Variants in UBE2E2 observed in about 807,000 individuals in gnomAD.
UBE2E2 encodes the protein ubiquitin conjugating enzyme E2 E2.
UBE2E2 carries 6 observed loss-of-function variants against 24.7 expected under a neutral mutation model. The observed-to-expected ratio is 0.24, with a 90% CI of 0.13 to 0.48. The LOEUF (loss-of-function observed/expected upper bound fraction) is 0.48, where lower values mean the gene tolerates loss of function less well. Among genes scored for constraint, UBE2E2 ranks in the 20% least tolerant of loss-of-function variants. The pLI is 0.99. For missense variants in UBE2E2, 169 were observed against 245.0 expected, an observed-to-expected ratio of 0.69 and a Z score of 2.07; for synonymous variants, 104 against 83.6, an observed-to-expected ratio of 1.24 and a Z score of -1.33.
intron 3 of UBE2E2, among the ~76,000 whole-genome samples, chr3:23,342,841 C>T (rs1471022086): frequency 5.9e-5 from 9 of 151,866 alleles, no homozygotes; most frequent in African/African-American, 1.9e-4. Flanking sequence ...TTTTTTTCTG[C>T]TTCATAGCTG....
chr3:23,276,743 G>T (rs1698382452), intron 3 of UBE2E2, among the ~76,000 whole-genome samples: 1 of 151,906 alleles, frequency 6.6e-6, no homozygotes, highest in Non-Finnish European at 1.5e-5. Context: ...AGTTATTCAA[G>T]ATATTTCAGG....
intron 3 of UBE2E2, among the ~76,000 whole-genome samples, chr3:23,358,043 C>T (rs1270094828): frequency 6.6e-6 from 1 of 152,080 alleles, no homozygotes; most frequent in Non-Finnish European, 1.5e-5. Flanking sequence ...ACCATTTTGC[C>T]TGGGCTGGTC....
chr3:23,513,472 A>AT (rs1390883388), intron 4 of UBE2E2, among the ~76,000 whole-genome samples: 4 of 151,946 alleles, frequency 2.6e-5, no homozygotes, highest in South Asian at 2.1e-4. Context: ...ACATACAGGG[A>AT]TTTTTTTTAA....
At chr3:23,482,180 C>A (rs762152118) in intron 3 of UBE2E2, among the ~76,000 whole-genome samples, 1 of 152,154 alleles carries the variant, frequency 6.6e-6, no homozygotes, top group Non-Finnish European at 1.5e-5. Flanking sequence ...GTTTCTAGAG[C>A]CTTTCATTTG....
At chr3:23,561,111 G>A (rs191377874) in intron 5 of UBE2E2, among the ~76,000 whole-genome samples, 4,400 of 152,222 alleles carry the variant, frequency 0.029, 108 homozygotes, top group East Asian at 0.13. Flanking sequence ...TGTTGCCATT[G>A]CTTTTGGTGT....
chr3:23,247,066 G>A (rs956117085), intron 3 of UBE2E2, among the ~76,000 whole-genome samples: 5 of 151,522 alleles, frequency 3.3e-5, no homozygotes, highest in African/African-American at 7.3e-5. Context: ...TGTTGCCCAC[G>A]TTGGTCTTGA....
chr3:23,329,603 A>G (rs953035174), intron 3 of UBE2E2, among the ~76,000 whole-genome samples: 3 of 152,258 alleles, frequency 2.0e-5, no homozygotes, highest in Non-Finnish European at 4.4e-5. Context: ...ATTAGATACA[A>G]CAACTAATTG....
intron 3 of UBE2E2, among the ~76,000 whole-genome samples, chr3:23,230,604 G>A (rs538590007): frequency 5.9e-5 from 9 of 152,102 alleles, no homozygotes; most frequent in Non-Finnish European, 1.2e-4. Context: ...GACGAACATG[G>A]TGAAACCCCG....
intron 3 of UBE2E2, among the ~76,000 whole-genome samples, chr3:23,237,200 A>T (rs11715035): frequency 0.17 from 25,487 of 152,164 alleles, 2,274 homozygotes; most frequent in South Asian, 0.26. Context: ...GGGCTCAAAA[A>T]TTGTTAGTTG....
intron 5 of UBE2E2, among the ~76,000 whole-genome samples, chr3:23,539,595 G>C (rs1331291992): frequency 6.6e-6 from 1 of 152,132 alleles, no homozygotes; most frequent in Non-Finnish European, 1.5e-5. Flanking sequence ...GGGAGTATCT[G>C]TCAACTTTAC....
At chr3:23,205,331 T>C (rs1696118735) in intron 1 of UBE2E2, among the ~76,000 whole-genome samples, 1 of 152,214 alleles carries the variant, frequency 6.6e-6, no homozygotes, top group Non-Finnish European at 1.5e-5. Flanking sequence ...AGATTAGCTA[T>C]TTAGGAATTA....
chr3:23,271,094 T>G, intron 3 of UBE2E2: 1 of 450,694 alleles, frequency 2.2e-6, no homozygotes, highest in South Asian at 1.6e-5. Flanking sequence ...ATAGCAGTAA[T>G]GAAGAGAAAT....
At chr3:23,404,123 G>T (rs1356617260) in intron 3 of UBE2E2, among the ~76,000 whole-genome samples, 1 of 151,958 alleles carries the variant, frequency 6.6e-6, no homozygotes, top group Non-Finnish European at 1.5e-5. Context: ...CTAAGAGAAG[G>T]GTTTTGGATT....
intron 4 of UBE2E2, among the ~76,000 whole-genome samples, chr3:23,524,866 ACACACAC>A (rs1694956800): frequency 4.6e-5 from 3 of 65,024 alleles, no homozygotes; most frequent in African/African-American, 7.7e-5. Flanking sequence ...AGACACACAG[ACACACAC>A]ACACACACAC....
chr3:23,339,278 C>G (rs768842904), intron 3 of UBE2E2, among the ~76,000 whole-genome samples: 22 of 152,146 alleles, frequency 1.4e-4, no homozygotes, highest in Admixed American at 1.0e-3. Flanking sequence ...GCAACTGTGC[C>G]AGATTAAAGG....
chr3:23,379,397 C>A lies in UBE2E2; in HGVS notation c.228-120211C>A, dbSNP rs1245170461. Among the ~76,000 whole-genome samples the A allele has an allele frequency of 2.2e-5, 3 of 135,194 alleles. No individual in the cohort carries two copies. The South Asian group carries it at 8.8e-4, about 40-fold the overall frequency. 88.7% of individuals were successfully genotyped at this position (135,194 alleles called of 152,430 possible). Reference sequence around the variant, plus strand: ...CCCCCGATGCTATCCCTCCCCCCTCCCCCGACCCCACAACAGTCCCCAGAG... The same window carrying A: ...CCCCCGATGCTATCCCTCCCCCCTCACCCGACCCCACAACAGTCCCCAGAG... On this transcript the variant is annotated intron_variant, in intron 3 of 5. Transcript: ENST00000396703.
chr3:23,224,781 T>G (rs543294401), intron 3 of UBE2E2, among the ~76,000 whole-genome samples: 1 of 152,290 alleles, frequency 6.6e-6, no homozygotes, highest in South Asian at 2.1e-4. Flanking sequence ...TTTTTGCTAC[T>G]ATGAATAATG....
At chr3:23,564,411 A>G (rs1696014071) in intron 5 of UBE2E2, among the ~76,000 whole-genome samples, 1 of 152,178 alleles carries the variant, frequency 6.6e-6, no homozygotes, top group Admixed American at 6.6e-5. Context: ...GAACTATTTT[A>G]GAATTTAAAT....
chr3:23,554,765 A>T (rs1695734925), intron 5 of UBE2E2, among the ~76,000 whole-genome samples: 1 of 152,162 alleles, frequency 6.6e-6, no homozygotes, highest in African/African-American at 2.4e-5. Context: ...AGCAAAAGAA[A>T]CAACAAAATG....
Sources: gnomAD v4.1 joint callset for allele counts (sites outside exome capture counted in the v4.1 genomes callset) on GRCh38, gnomAD v4.1.1 for gene constraint, MANE v1.5 for transcripts, NCBI Gene and HGNC (gene_info 2026-07-23, HGNC 2026-07-21) for gene names.